The following PCDHA3 variants were observed in gnomAD, a reference collection of about 807,000 sequenced individuals.
PCDHA3 encodes the protein protocadherin alpha 3.
A neutral mutation model predicts 62.2 loss-of-function variants in PCDHA3; 41 were observed. The ratio of observed to expected loss-of-function variants is 0.66; its 90% CI spans 0.51 to 0.86. PCDHA3 has a LOEUF of 0.86. PCDHA3 is among the 40% of genes least tolerant of loss of function. The probability of loss-of-function intolerance (pLI) is 0.00; values close to 1 mark genes in which losing one functional copy is unlikely to be tolerated. For missense variants in PCDHA3, 1,304 were observed against 1,241.2 expected (o/e 1.05, Z -0.76); for synonymous variants, 640 against 555.4 (o/e 1.15, Z -2.14).
intron 1 of PCDHA3, chr5:140,805,165 G>A: frequency 3.3e-6 from 5 of 1,537,576 alleles, no homozygotes; most frequent in South Asian, 1.2e-5. Context: ...CTTCACAGAT[G>A]TACTGATGCT....
At chr5:140,880,369 G>A (rs1055944264) in intron 1 of PCDHA3, among the ~76,000 whole-genome samples, 4 of 152,210 alleles carry the variant, frequency 2.6e-5, no homozygotes, top group African/African-American at 9.7e-5. Context: ...TGAAAACCAT[G>A]AGAGAATAGA....
At chr5:140,962,790 C>T (rs899867239) in intron 1 of PCDHA3, among the ~76,000 whole-genome samples, 28 of 152,286 alleles carry the variant, frequency 1.8e-4, no homozygotes, top group African/African-American at 6.0e-4. Flanking sequence ...TTAAAAACTA[C>T]TTTGGACAAC....
intron 1 of PCDHA3, chr5:140,927,277 GTGCAGC>G: frequency 6.2e-7 from 1 of 1,614,016 alleles, no homozygotes; most frequent in Non-Finnish European, 8.5e-7. Flanking sequence ...TGCCGGCGAC[GTGCAGC>G]TGCACATCCC....
Position 140,849,058 on chromosome 5 carries a change from A to T in PCDHA3, c.2394+45467A>T, listed in dbSNP as rs1222593356. 1.9e-6 allele frequency: 3 copies of T among 1,550,796 alleles called. No homozygotes were observed. In the African/African-American group the frequency reaches 4.5e-5, roughly 23 times the overall value. ...CTGGACGTGCCAACCAGCAACCAGC[A>T]GGTAAAACCTCTTGGACTTGTATTA... On this transcript the variant is annotated intron_variant, in intron 1 of 3. Coordinates refer to ENST00000522353, the MANE Select transcript of PCDHA3 (RefSeq NM_018906.3).
At chr5:140,928,397 C>T in intron 1 of PCDHA3, 1 of 1,614,082 alleles carries the variant, frequency 6.2e-7, no homozygotes, top group East Asian at 2.2e-5. Context: ...GCAGTGGAAT[C>T]ATCCAGTGGG....
intron 1 of PCDHA3, chr5:140,822,027 T>C: frequency 6.2e-7 from 1 of 1,614,174 alleles, no homozygotes. Flanking sequence ...GCATTTTGTT[T>C]GTGAATTCTC....
chr5:140,978,829 T>C, intron 1 of PCDHA3, 120 bp from the exon 2 acceptor site: 1 of 1,533,852 alleles, frequency 6.5e-7, no homozygotes, highest in Non-Finnish European at 8.8e-7. Flanking sequence ...ATGAAATGGC[T>C]CATTCAATAC....
At chr5:140,920,825 G>A (rs557360536) in intron 1 of PCDHA3, among the ~76,000 whole-genome samples, 12 of 150,152 alleles carry the variant, frequency 8.0e-5, no homozygotes, top group African/African-American at 2.4e-4. Context: ...GCCTGGCGAC[G>A]GAGCAAGACC....
intron 1 of PCDHA3, among the ~76,000 whole-genome samples, chr5:140,919,272 T>C (rs1287919874): frequency 6.6e-6 from 1 of 152,258 alleles, no homozygotes; most frequent in Non-Finnish European, 1.5e-5. Context: ...GTGTAGTCAC[T>C]CCAGCTATCT....
chr5:140,952,724 C>T (rs1481919445), intron 1 of PCDHA3, among the ~76,000 whole-genome samples: 1 of 152,100 alleles, frequency 6.6e-6, no homozygotes, highest in African/African-American at 2.4e-5. Flanking sequence ...ATTTTCTGTA[C>T]TAGTCTTTTC....
intron 1 of PCDHA3, among the ~76,000 whole-genome samples, chr5:140,923,187 T>C (rs1554201249): frequency 1.3e-5 from 2 of 152,192 alleles, no homozygotes; most frequent in African/African-American, 4.8e-5. Flanking sequence ...ATGCATCTAC[T>C]GCAGCAATTT....
At chr5:140,888,159 C>T (rs1468895090) in intron 1 of PCDHA3, among the ~76,000 whole-genome samples, 1 of 152,080 alleles carries the variant, frequency 6.6e-6, no homozygotes, top group Non-Finnish European at 1.5e-5. Flanking sequence ...GACTGGTAAT[C>T]TCTAATAAGA....
intron 1 of PCDHA3, among the ~76,000 whole-genome samples, chr5:140,977,323 G>A (rs542392962): frequency 1.3e-5 from 2 of 152,324 alleles, no homozygotes; most frequent in Non-Finnish European, 1.5e-5. Context: ...GCTCCTGATG[G>A]CGAGGGGAGA....
At chr5:140,941,505 C>T (rs536733497) in intron 1 of PCDHA3, among the ~76,000 whole-genome samples, 11 of 151,390 alleles carry the variant, frequency 7.3e-5, no homozygotes, top group East Asian at 1.9e-4. Flanking sequence ...TTAGTAGAGA[C>T]GAGGTTTCAC....
intron 1 of PCDHA3, chr5:140,855,996 A>G (rs2150345731): frequency 6.7e-7 from 1 of 1,503,004 alleles, no homozygotes; most frequent in Non-Finnish European, 9.0e-7. Flanking sequence ...GTCAGATCGT[A>G]TGTGCGTTCT....
intron 1 of PCDHA3, chr5:140,828,572 G>C: frequency 1.2e-6 from 2 of 1,614,228 alleles, no homozygotes; most frequent in Non-Finnish European, 8.5e-7. Flanking sequence ...GTCCGATGCA[G>C]ATGTTGGCTC....
intron 1 of PCDHA3, among the ~76,000 whole-genome samples, chr5:140,908,387 T>A (rs536105622): frequency 1.3e-5 from 2 of 152,230 alleles, no homozygotes; most frequent in Admixed American, 1.3e-4. Flanking sequence ...TCGAGCCCGA[T>A]CACATATATA....
rs2150099116 is a variant in PCDHA3, at chr5:140,817,797, A to G, written c.2394+14206A>G. Among the ~76,000 whole-genome samples, 9 of 152,298 alleles carry G rather than the reference A, an allele frequency of 5.9e-5. No individual in the cohort carries two copies. In the South Asian group the frequency reaches 1.9e-3, roughly 32 times the overall value. ...TTTAGTGTGGCCTGCTGGTAAAGAAACCTTTACGTTTTTATATATCTGGAA... is the reference window on the plus strand; with the variant it reads ...TTTAGTGTGGCCTGCTGGTAAAGAAGCCTTTACGTTTTTATATATCTGGAA... On this transcript the variant is annotated intron_variant, in intron 1 of 3. Transcript: ENST00000522353.
At chr5:140,829,959 G>A (rs2150178613) in intron 1 of PCDHA3, 1 of 1,613,960 alleles carries the variant, frequency 6.2e-7, no homozygotes, top group Non-Finnish European at 8.5e-7. Flanking sequence ...TTCCCGTTTC[G>A]CGTGGGGCTG....
Sources: allele counts gnomAD v4.1 joint callset (sites outside exome capture counted in the v4.1 genomes callset), GRCh38; gene constraint gnomAD v4.1.1; transcripts MANE v1.5; gene names NCBI Gene and HGNC (gene_info 2026-07-23, HGNC 2026-07-21).